RIC1: variants seen among roughly 807,000 people sequenced by gnomAD.
RIC1 encodes RIC1 partner of RAB6A GEF complex.
RIC1 carries 88 observed loss-of-function variants against 169.0 expected under a neutral mutation model. The ratio of observed to expected loss-of-function variants is 0.52; its 90% CI spans 0.44 to 0.62. The LOEUF (loss-of-function observed/expected upper bound fraction) is 0.62. RIC1 is among the 20% of genes least tolerant of loss of function. The pLI, the probability that RIC1 is intolerant of heterozygous loss-of-function variation, is 0.00. For missense variants in RIC1, 1,877 were observed against 1,725.5 expected, an observed-to-expected ratio of 1.09 and a Z score of -1.56; for synonymous variants, 790 against 601.5, an observed-to-expected ratio of 1.31 and a Z score of -4.59.
chr9:5,775,221 A>AG lies in RIC1; in HGVS notation c.*975_*976insG, dbSNP rs1827515926. 1.3e-5 allele frequency: 2 copies of AG among 152,264 alleles called. No homozygotes were observed. The highest frequency in any genetic ancestry group is 6.5e-5 in the Admixed American group (1 of 15,290). The allele number at this position is 152,264 out of a possible 1,614,324, so 9.4% of individuals were successfully genotyped here. On this transcript the variant is annotated 3_prime_UTR_variant, in exon 26 of 26. Coordinates refer to ENST00000414202, the MANE Select transcript of RIC1 (RefSeq NM_020829.4). The stretch of plus-strand genomic sequence containing the variant: ...TATTTATTGCTTTTGTAAATTGAAT[A>AG]AAGATGGACTTCTATGTAAATAGAC...
At chr9:5,766,882 T>C (rs989178593) in intron 21 of RIC1, among the ~76,000 whole-genome samples, 3 of 152,220 alleles carry the variant, frequency 2.0e-5, no homozygotes, top group African/African-American at 7.2e-5. Context: ...CTGGATCAAA[T>C]GGTAGTTCTA....
At chr9:5,776,988 T>C (rs1035785207), downstream of RIC1, among the ~76,000 whole-genome samples, 4 of 152,132 alleles carry the variant, frequency 2.6e-5, no homozygotes, top group East Asian at 1.9e-4. Flanking sequence ...TGGAAACATA[T>C]AGTATGTGAA....
At chr9:5,751,420 A>G (rs561715496) in intron 12 of RIC1, among the ~76,000 whole-genome samples, 3 of 151,854 alleles carry the variant, frequency 2.0e-5, no homozygotes, top group East Asian at 1.9e-4. Flanking sequence ...CAGTGGTGCA[A>G]TCTCGGCTCA....
chr9:5,705,906 G>C (rs545612393), intron 3 of RIC1, among the ~76,000 whole-genome samples: 1 of 152,074 alleles, frequency 6.6e-6, no homozygotes, highest in East Asian at 1.9e-4. Flanking sequence ...ATCATTCTGG[G>C]ATTTTTCCCC....
At chr9:5,662,810 A>G (rs1398991561) in intron 2 of RIC1, among the ~76,000 whole-genome samples, 2 of 151,846 alleles carry the variant, frequency 1.3e-5, no homozygotes, top group Non-Finnish European at 2.9e-5. Flanking sequence ...TGATCGTTTG[A>G]ATGGTCTTTC....
rs1380123972 is a variant in RIC1, at chr9:5,743,730, A to T, written c.1088A>T (p.Asn363Ile). The T allele has an allele frequency of 6.2e-7, 1 of 1,607,924 alleles. No homozygotes were observed. Among genetic ancestry groups the T allele is most frequent in the Admixed American group, 1.7e-5 (1 of 59,642 alleles). ...ACCAAAAAAGATCCCCTTAAGATCAACTCTATGGTAAGTACTTTCTATAAA... is the reference window on the plus strand; with the variant it reads ...ACCAAAAAAGATCCCCTTAAGATCATCTCTATGGTAAGTACTTTCTATAAA... ...DGTKKDPLKI[N>I]SMSWGAEGYH... Residue 363 changes from asparagine to isoleucine, a missense_variant, in exon 10 of 26, where the codon AAC becomes ATC. Asn to Ile is a moderately radical substitution (Grantham distance 149). Around this residue, in one of 3 missense-constraint regions of RIC1, gnomAD observed 1,104 missense variants for 992.0 expected, o/e 1.11. Transcript: ENST00000414202.
chr9:5,759,494 A>G (rs894549203), intron 17 of RIC1, among the ~76,000 whole-genome samples: 2 of 152,234 alleles, frequency 1.3e-5, no homozygotes, highest in African/African-American at 4.8e-5. Context: ...AGTGGTTAAA[A>G]GTCATTTGTG....
chr9:5,666,915 ATC>A (rs1203976302), intron 2 of RIC1, among the ~76,000 whole-genome samples: 2 of 152,136 alleles, frequency 1.3e-5, no homozygotes, highest in Non-Finnish European at 2.9e-5. Flanking sequence ...TATTCTCATA[ATC>A]TCTGTTATTT....
intron 1 of RIC1, among the ~76,000 whole-genome samples, chr9:5,652,372 T>C (rs1034173295): frequency 2.0e-5 from 3 of 152,208 alleles, no homozygotes; most frequent in African/African-American, 7.2e-5. Context: ...TATTTGTGTT[T>C]TCTTCATTTT....
chr9:5,666,145 C>T (rs568311269), intron 2 of RIC1, among the ~76,000 whole-genome samples: 1 of 152,216 alleles, frequency 6.6e-6, no homozygotes, highest in African/African-American at 2.4e-5. Flanking sequence ...CTGGGAAGAC[C>T]CACTACCCCA....
intron 18 of RIC1, 104 bp downstream of exon 18, chr9:5,762,764 G>A (rs752922351): frequency 6.2e-5 from 85 of 1,374,910 alleles, no homozygotes; most frequent in Non-Finnish European, 7.7e-5. Flanking sequence ...ATTTGGAAAG[G>A]AGAAATTAAG....
intron 1 of RIC1, among the ~76,000 whole-genome samples, chr9:5,649,981 G>C (rs1818713883): frequency 6.6e-6 from 1 of 152,118 alleles, no homozygotes; most frequent in Non-Finnish European, 1.5e-5. Context: ...TTTCCTCAGT[G>C]GTTTAGGGTG....
intron 17 of RIC1, among the ~76,000 whole-genome samples, chr9:5,761,207 G>A (rs145792063): frequency 0.01 from 1,499 of 146,054 alleles, 9 homozygotes; most frequent in Non-Finnish European, 0.016. Flanking sequence ...TCCGTCTCCC[G>A]GGTTCAAGTG....
chr9:5,658,242 T>C (rs1819225347), intron 2 of RIC1, among the ~76,000 whole-genome samples: 1 of 152,146 alleles, frequency 6.6e-6, no homozygotes, highest in South Asian at 2.1e-4. Context: ...TGGCAAAATA[T>C]TGTATTTATT....
At chr9:5,777,686 G>A (rs964430401), downstream of RIC1, among the ~76,000 whole-genome samples, 5 of 152,100 alleles carry the variant, frequency 3.3e-5, no homozygotes, top group African/African-American at 1.2e-4. Context: ...TGATATGAAA[G>A]AGAGATCTGA....
Position 5,712,034 on chromosome 9 carries a change from A to G in RIC1, c.333-1862A>G, listed in dbSNP as rs149848775. On this transcript the variant is annotated intron_variant, in intron 3 of 25. Transcript: ENST00000414202. The stretch of plus-strand genomic sequence containing the variant: ...TATTGTGAGTAGTGCCGCAATAAAC[A>G]TACATGCGCATGTGTCTTTATAGCA... Among the ~76,000 whole-genome samples, 1,463 of 152,272 alleles carry G rather than the reference A, an allele frequency of 9.6e-3. 32 individuals carry two copies. Among genetic ancestry groups the G allele is most frequent in the African/African-American group, 0.034 (1,402 of 41,540 alleles).
At chr9:5,768,938 A>T (rs897650475) in intron 21 of RIC1, 32 bp from the exon 22 acceptor site, 6 of 1,577,648 alleles carry the variant, frequency 3.8e-6, no homozygotes, top group African/African-American at 1.4e-5. Flanking sequence ...AGTAAAGATT[A>T]TTCTGTAGCT....
At chr9:5,661,378 G>T (rs1200439668) in intron 2 of RIC1, among the ~76,000 whole-genome samples, 1 of 152,128 alleles carries the variant, frequency 6.6e-6, no homozygotes, top group African/African-American at 2.4e-5. Context: ...AAGAATGTCA[G>T]TGGTAGTTTA....
chr9:5,724,468 A>G (rs750313309), intron 6 of RIC1, among the ~76,000 whole-genome samples: 11 of 152,320 alleles, frequency 7.2e-5, no homozygotes, highest in Admixed American at 1.3e-4. Context: ...CGCTGAGACT[A>G]TGGAGTTTTC....
Sources: allele counts gnomAD v4.1 joint callset (sites outside exome capture counted in the v4.1 genomes callset), GRCh38; gene constraint gnomAD v4.1.1; regional missense constraint gnomAD v4.1.1; transcripts MANE v1.5; gene names NCBI Gene and HGNC (gene_info 2026-07-23, HGNC 2026-07-21).